Variants in WDR88 observed in about 807,000 individuals in gnomAD.
WDR88 encodes WD repeat domain 88.
Under a neutral mutation model 46.8 loss-of-function variants are expected in WDR88, and 40 were observed. The ratio of observed to expected loss-of-function variants is 0.86; its 90% confidence interval spans 0.66 to 1.11. The LOEUF (loss-of-function observed/expected upper bound fraction) is 1.11. Ranked by LOEUF, WDR88 falls within the 50% of genes most tolerant of loss-of-function variation. The pLI, the probability that WDR88 is intolerant of heterozygous loss-of-function variation, is 0.00. For synonymous variants in WDR88, 235 were observed against 240.7 expected (o/e 0.98, Z 0.22); for missense variants, 562 against 602.4 (o/e 0.93, Z 0.70).
intron 9 of WDR88, among the ~76,000 whole-genome samples, chr19:33,171,249 G>A (rs1451367462): frequency 6.6e-6 from 1 of 152,210 alleles, no homozygotes; most frequent in Non-Finnish European, 1.5e-5. Context: ...GCCTCTCAAA[G>A]TGCTGGGATT....
chr19:33,134,771 C>T (rs1467818676), intron 1 of WDR88, among the ~76,000 whole-genome samples: 2 of 151,890 alleles, frequency 1.3e-5, no homozygotes, highest in African/African-American at 4.8e-5. Flanking sequence ...CCAGTGTCCT[C>T]GTGTCCCCGA....
At chr19:33,162,022 A>C (rs764117145) in intron 8 of WDR88, among the ~76,000 whole-genome samples, 7 of 152,086 alleles carry the variant, frequency 4.6e-5, no homozygotes, top group Non-Finnish European at 8.8e-5. Context: ...CTGTCCTTTA[A>C]TTACACTAAG....
At chr19:33,169,227 A>G (rs151190503) in intron 9 of WDR88, among the ~76,000 whole-genome samples, 128 of 152,334 alleles carry the variant, frequency 8.4e-4, no homozygotes, top group African/African-American at 3.0e-3. Flanking sequence ...AATGAGAGCA[A>G]AAACAGACAA....
intron 2 of WDR88, among the ~76,000 whole-genome samples, chr19:33,138,609 AGTGCAGGGATGATAGGTGTGAGCCACCGT>A (rs1160124015): frequency 6.6e-6 from 1 of 151,456 alleles, no homozygotes; most frequent in Non-Finnish European, 1.5e-5. Context: ...AGCCTACCAA[AGTGCAGGGATGATAGGTGTGAGCCACCGT>A]GCCTGGCCCC....
intron 2 of WDR88, among the ~76,000 whole-genome samples, chr19:33,141,022 T>C (rs922470342): frequency 6.7e-6 from 1 of 150,374 alleles, no homozygotes; most frequent in African/African-American, 2.5e-5. Context: ...CTGCACCTTT[T>C]ACCTCCTGGG....
At chr19:33,164,076 C>T in intron 8 of WDR88, 121 bp from the exon 9 acceptor site, 1 of 808,686 alleles carries the variant, frequency 1.2e-6, no homozygotes, top group Middle Eastern at 3.1e-4. Flanking sequence ...CTCAGGTGAC[C>T]CTCCCGACTC....
chr19:33,148,894 C>A lies in WDR88; in HGVS notation c.663C>A (p.Thr221=). 2 of 1,614,110 alleles carry A rather than the reference C, an allele frequency of 1.2e-6. No individual in the cohort carries two copies. Among genetic ancestry groups the A allele is most frequent in the East Asian group, 2.2e-5 (1 of 44,872 alleles). The part of the protein sequence containing the change: ...ICIMDAENIT[T]VSVIKDHHTR... ...TAATGGACGCCGAGAACATCACCAC[C>A]GTTTCCGTCATCAAAGGTGAGGGTG... Residue 221 remains threonine, a synonymous_variant, in exon 5 of 11, where the codon ACC becomes ACA. Coordinates refer to ENST00000355868, the MANE Select transcript of WDR88 (RefSeq NM_173479.4).
rs538471013 is a variant in WDR88 at position 33,140,255 on chromosome 19, A to G, written c.387+2468A>G. On this transcript the variant is annotated intron_variant, in intron 2 of 10. Coordinates refer to ENST00000355868, the MANE Select transcript of WDR88 (RefSeq NM_173479.4). ...CTGCAGCCTCAACCTCCTGGACTCA[A>G]GCAATCCCCCCATCTCAACACCCCG... Among the ~76,000 whole-genome samples, 10 of 152,268 alleles carry G rather than the reference A, an allele frequency of 6.6e-5. No individual in the cohort carries two copies. In the East Asian group the frequency reaches 1.7e-3, roughly 26 times the overall value.
chr19:33,146,061 C>T (rs956716250), intron 3 of WDR88, among the ~76,000 whole-genome samples: 4 of 152,112 alleles, frequency 2.6e-5, no homozygotes, highest in South Asian at 2.1e-4. Flanking sequence ...GAGGCTGAGG[C>T]GGGCGGATCA....
intron 4 of WDR88, among the ~76,000 whole-genome samples, chr19:33,148,215 C>G (rs918817175): frequency 1.3e-5 from 2 of 151,920 alleles, no homozygotes; most frequent in Admixed American, 6.6e-5. Flanking sequence ...CCCACTCGGC[C>G]CTGCACCCCT....
At position 33,151,183 on chromosome 19, in the gene WDR88, C is replaced by A; in HGVS notation, c.682C>A (p.His228Asn). 6.2e-7 allele frequency: 1 copy of A among 1,613,332 alleles called. No homozygotes were observed. The highest frequency in any genetic ancestry group is 8.5e-7 in the Non-Finnish European group (1 of 1,179,624). The change falls in exon 6 of 11, where the codon CAT becomes AAT. Residue 228 changes from histidine to asparagine, a missense_variant and splice_region_variant. Physicochemically the swap from His to Asn is moderately conservative, Grantham distance 68. Transcript: ENST00000355868. Reference protein sequence around the residue: ...NITTVSVIKDHHTRSITSCCF... With the variant: ...NITTVSVIKDNHTRSITSCCF... The stretch of plus-strand genomic sequence containing the variant: ...TCCCTTTCCTCCGTGTTCTGCAGAT[C>A]ATCACACAAGGTCCATCACGTCATG...
intron 6 of WDR88, among the ~76,000 whole-genome samples, chr19:33,154,932 T>A (rs998445678): frequency 2.0e-5 from 3 of 152,194 alleles, no homozygotes; most frequent in African/African-American, 4.8e-5. Context: ...TGATCTGAGC[T>A]CTAGAAAATT....
intron 2 of WDR88, among the ~76,000 whole-genome samples, chr19:33,140,812 T>G (rs538034866): frequency 6.6e-6 from 1 of 151,790 alleles, no homozygotes; most frequent in South Asian, 2.1e-4. Context: ...AAAAGACATA[T>G]GCCAACATAT....
intron 1 of WDR88, among the ~76,000 whole-genome samples, chr19:33,135,768 ATG>A (rs1973251737): frequency 6.6e-6 from 1 of 152,242 alleles, no homozygotes; most frequent in Non-Finnish European, 1.5e-5. Flanking sequence ...CCTACCAGCA[ATG>A]TAGGAGGTTT....
intron 9 of WDR88, among the ~76,000 whole-genome samples, chr19:33,170,362 C>T (rs559672605): frequency 3.4e-4 from 51 of 150,966 alleles, no homozygotes; most frequent in Non-Finnish European, 5.9e-4. Flanking sequence ...GTATTTTTAG[C>T]GGAGGCGGGG....
In WDR88 at chr19:33,164,312, G is replaced by C. The variant is rs780231588; in HGVS notation, c.1149+47G>C. The C allele has an allele frequency of 2.6e-6, 4 of 1,563,520 alleles. No homozygotes were observed. The South Asian group carries it at 4.5e-5, about 17-fold the overall frequency. Reference sequence around the variant, plus strand: ...ATATCGATCACGTTCGCCAGGATTGGTGATAGTGGAAGAGTTATTGCCAAG... The same window carrying C: ...ATATCGATCACGTTCGCCAGGATTGCTGATAGTGGAAGAGTTATTGCCAAG... On this transcript the variant is annotated intron_variant, in intron 9 of 10. Coordinates refer to ENST00000355868, the MANE Select transcript of WDR88 (RefSeq NM_173479.4).
intron 1 of WDR88, among the ~76,000 whole-genome samples, chr19:33,135,871 TTTTCTTTC>T (rs200259433): frequency 4.6e-5 from 7 of 151,960 alleles, no homozygotes; most frequent in Non-Finnish European, 7.4e-5. Flanking sequence ...TTTGGTTTTC[TTTTCTTTC>T]TTTCTTTCTT....
chr19:33,147,092 C>T (rs1156610161), intron 3 of WDR88, among the ~76,000 whole-genome samples: 1 of 150,776 alleles, frequency 6.6e-6, no homozygotes, highest in African/African-American at 2.4e-5. Flanking sequence ...AAAAAAATAG[C>T]CAGGCATGAT....
At chr19:33,137,115 T>C (rs1171474847) in intron 1 of WDR88, among the ~76,000 whole-genome samples, 2 of 60,560 alleles carry the variant, frequency 3.3e-5, no homozygotes, top group Non-Finnish European at 5.3e-5. Context: ...TCTTCTTCTT[T>C]TTTTTTTTTT....
Sources: gnomAD v4.1 joint callset for allele counts (sites outside exome capture counted in the v4.1 genomes callset) on GRCh38, gnomAD v4.1.1 for gene constraint, MANE v1.5 for transcripts, NCBI Gene and HGNC (gene_info 2026-07-23, HGNC 2026-07-21) for gene names.